The following FOXP2 variants were observed in gnomAD, a reference collection of about 807,000 sequenced individuals.
The protein encoded by FOXP2 is forkhead box protein P2.
In FOXP2, 12 loss-of-function variants were observed where a neutral mutation model predicts 115.8. That is an observed-to-expected ratio of 0.10 (90% CI 0.07 to 0.17). FOXP2 has a LOEUF of 0.17. FOXP2 is among the 10% of genes least tolerant of loss of function. The pLI is 1.00. For missense variants in FOXP2, 629 were observed against 843.5 expected, an observed-to-expected ratio of 0.75 and a Z score of 3.15; for synonymous variants, 328 against 297.7, an observed-to-expected ratio of 1.10 and a Z score of -1.05.
intron 1 of FOXP2, among the ~76,000 whole-genome samples, chr7:114,145,576 C>G (rs1022298117): frequency 5.3e-5 from 8 of 150,332 alleles, no homozygotes; most frequent in African/African-American, 2.0e-4. Flanking sequence ...CAACCTCCAC[C>G]TCCCGGGTTC....
chr7:114,463,398 G>T (rs1246765363), intron 2 of FOXP2, among the ~76,000 whole-genome samples: 1 of 152,188 alleles, frequency 6.6e-6, no homozygotes, highest in Non-Finnish European at 1.5e-5. Flanking sequence ...TCCACATGTG[G>T]CTACTGAGCC....
intron 1 of FOXP2, among the ~76,000 whole-genome samples, chr7:114,202,811 A>G (rs1161137907): frequency 6.6e-6 from 1 of 152,180 alleles, no homozygotes; most frequent in Non-Finnish European, 1.5e-5. Context: ...ATGCTTAGCC[A>G]GTGTCTGGTA....
chr7:114,665,226 T>C (rs1807100985), intron 16 of FOXP2: 1 of 152,120 alleles, frequency 6.6e-6, no homozygotes, highest in African/African-American at 2.4e-5. Context: ...TACTAAAATG[T>C]ATTGACCGTG....
intron 3 of FOXP2, among the ~76,000 whole-genome samples, chr7:114,534,999 C>A (rs776699789): frequency 2.6e-5 from 4 of 151,672 alleles, no homozygotes; most frequent in African/African-American, 4.8e-5. Flanking sequence ...GGATTTTATT[C>A]ATACATAGGT....
intron 1 of FOXP2, among the ~76,000 whole-genome samples, chr7:114,173,214 G>A (rs1228297216): frequency 6.6e-6 from 1 of 151,682 alleles, no homozygotes; most frequent in African/African-American, 2.4e-5. Context: ...ACTTTATTTT[G>A]TTAATTTTAT....
intron 16 of FOXP2, among the ~76,000 whole-genome samples, chr7:114,674,581 T>C (rs1450937412): frequency 6.6e-6 from 1 of 152,156 alleles, no homozygotes; most frequent in Non-Finnish European, 1.5e-5. Context: ...GTTATTTTAA[T>C]TTACCAAAGA....
chr7:114,386,712 G>A (rs1201131861), intron 2 of FOXP2, among the ~76,000 whole-genome samples: 1 of 152,202 alleles, frequency 6.6e-6, no homozygotes. Flanking sequence ...AGAGACAAGA[G>A]GGAAAAGGAG....
At chr7:114,336,451 T>C (rs2129183712) in intron 2 of FOXP2, among the ~76,000 whole-genome samples, 1 of 151,694 alleles carries the variant, frequency 6.6e-6, no homozygotes, top group South Asian at 2.1e-4. Flanking sequence ...GAACTAACTA[T>C]TCTGATATAT....
intron 3 of FOXP2, among the ~76,000 whole-genome samples, chr7:114,609,223 AAAAG>A (rs1477345704): frequency 6.6e-6 from 1 of 151,724 alleles, no homozygotes; most frequent in Non-Finnish European, 1.5e-5. Context: ...AAAAAAAAAA[AAAAG>A]AAAGAAAGAA....
intron 1 of FOXP2, among the ~76,000 whole-genome samples, chr7:114,281,978 C>G (rs1796348865): frequency 6.6e-6 from 1 of 151,988 alleles, no homozygotes; most frequent in African/African-American, 2.4e-5. Context: ...TACATAGGCC[C>G]CACTCTGTAC....
At chr7:114,123,337 G>A (rs1381838415) in intron 1 of FOXP2, among the ~76,000 whole-genome samples, 3 of 137,106 alleles carry the variant, frequency 2.2e-5, no homozygotes, top group Non-Finnish European at 3.1e-5. Flanking sequence ...CTGGGTGACA[G>A]AGCAAAGCCC....
chr7:114,128,636 T>C (rs1791791770), intron 1 of FOXP2, among the ~76,000 whole-genome samples: 1 of 152,254 alleles, frequency 6.6e-6, no homozygotes, highest in South Asian at 2.1e-4. Flanking sequence ...AAAGTAATTT[T>C]ATGATTAAAT....
intron 8 of FOXP2, chr7:114,645,909 A>C (rs929932827): frequency 6.6e-6 from 1 of 152,066 alleles, no homozygotes; most frequent in East Asian, 1.9e-4. Context: ...TTCATATACC[A>C]CTATGGCTCT....
chr7:114,376,561 G>T (rs1294179344), intron 2 of FOXP2, among the ~76,000 whole-genome samples: 2 of 152,174 alleles, frequency 1.3e-5, no homozygotes, highest in Admixed American at 1.3e-4. Flanking sequence ...AGCTGTGTTA[G>T]ATTTTTTTCA....
intron 1 of FOXP2, among the ~76,000 whole-genome samples, chr7:114,099,487 G>T (rs1337470302): frequency 6.6e-6 from 1 of 152,064 alleles, no homozygotes; most frequent in Non-Finnish European, 1.5e-5. Flanking sequence ...ATTAAAGATA[G>T]AACTATCATA....
rs1056596324 is a variant in FOXP2 at position 114,638,233 on chromosome 7, C to T, written c.776-4177C>T. ...AAACTAGTGTAATTATAAAGAGTTTCTTGGGTTTTTCTTGCTCAAATAGAA... is the reference window on the plus strand; with the variant it reads ...AAACTAGTGTAATTATAAAGAGTTTTTTGGGTTTTTCTTGCTCAAATAGAA... On this transcript the variant is annotated intron_variant, in intron 6 of 16. Coordinates refer to ENST00000350908, the MANE Select transcript of FOXP2 (RefSeq NM_014491.4). 5.9e-5 allele frequency among the ~76,000 whole-genome samples: 9 copies of T among 152,228 alleles called. 1 individual carries two copies. In the South Asian group the frequency reaches 1.9e-3, roughly 32 times the overall value.
intron 3 of FOXP2, chr7:114,613,934 T>C (rs1367022913): frequency 6.6e-6 from 1 of 152,166 alleles, no homozygotes; most frequent in Non-Finnish European, 1.5e-5. Flanking sequence ...GACTGAATAG[T>C]ATTCATTCCA....
chr7:114,232,710 G>A (rs1320522203), intron 1 of FOXP2, among the ~76,000 whole-genome samples: 2 of 152,006 alleles, frequency 1.3e-5, no homozygotes, highest in African/African-American at 4.8e-5. Flanking sequence ...CTACTCCAGA[G>A]GCTGAGGCAG....
chr7:114,248,862 C>T (rs1010714462), intron 1 of FOXP2, among the ~76,000 whole-genome samples: 1 of 152,130 alleles, frequency 6.6e-6, no homozygotes, highest in Non-Finnish European at 1.5e-5. Context: ...ATTATTATTT[C>T]AAATTTACAA....
Sources: gnomAD v4.1 joint callset for allele counts (sites outside exome capture counted in the v4.1 genomes callset) on GRCh38, gnomAD v4.1.1 for gene constraint, MANE v1.5 for transcripts, NCBI Gene and HGNC (gene_info 2026-07-23, HGNC 2026-07-21) for gene names.